The following CNTN1 variants were observed in gnomAD, a reference collection of about 807,000 sequenced individuals.
CNTN1 encodes the protein contactin-1.
In CNTN1, 38 loss-of-function variants were observed where a neutral mutation model predicts 126.4. That is an observed-to-expected ratio of 0.30 (90% CI 0.23 to 0.39). The LOEUF (loss-of-function observed/expected upper bound fraction) is 0.39, where lower values mean the gene tolerates loss of function less well. Among genes scored for constraint, CNTN1 ranks in the 10% least tolerant of loss-of-function variants. CNTN1 has a pLI of 1.00. For synonymous variants in CNTN1, 413 were observed against 422.6 expected (o/e 0.98, Z 0.28); for missense variants, 1,009 against 1,248.4 (o/e 0.81, Z 2.89).
chr12:40,739,241 A>T (rs1413318367), intron 1 of CNTN1, among the ~76,000 whole-genome samples: 1 of 152,066 alleles, frequency 6.6e-6, no homozygotes, highest in South Asian at 2.1e-4. Context: ...ACTGCATTTC[A>T]AATGAGTAAA....
At chr12:40,773,626 A>G (rs1219531418) in intron 1 of CNTN1, among the ~76,000 whole-genome samples, 1 of 120,998 alleles carries the variant, frequency 8.3e-6, no homozygotes, top group African/African-American at 3.1e-5. Flanking sequence ...ACCTCTGACC[A>G]GAAACTGTAT....
At chr12:41,051,859 G>A (rs146797426) in intron 23 of CNTN1, among the ~76,000 whole-genome samples, 34 of 149,158 alleles carry the variant, frequency 2.3e-4, no homozygotes, top group African/African-American at 8.2e-4. Flanking sequence ...TCTAAACTCT[G>A]GAACAGTTCA....
chr12:40,966,564 T>C (rs1947316085), intron 15 of CNTN1, among the ~76,000 whole-genome samples: 1 of 152,136 alleles, frequency 6.6e-6, no homozygotes, highest in African/African-American at 2.4e-5. Context: ...AAATTTAAAG[T>C]CAGAACTTAG....
At chr12:40,832,508 G>A (rs375657859) in intron 1 of CNTN1, among the ~76,000 whole-genome samples, 9 of 152,270 alleles carry the variant, frequency 5.9e-5, no homozygotes, top group African/African-American at 1.9e-4. Context: ...TATAGCCTAC[G>A]TATGAAGTAG....
chr12:41,062,613 T>G (rs1949958431), intron 23 of CNTN1, among the ~76,000 whole-genome samples: 1 of 152,204 alleles, frequency 6.6e-6, no homozygotes, highest in Non-Finnish European at 1.5e-5. Context: ...TTTCAGACAT[T>G]TCATAAAATC....
chr12:41,055,090 A>G (rs1408094817), intron 23 of CNTN1, among the ~76,000 whole-genome samples: 1 of 152,190 alleles, frequency 6.6e-6, no homozygotes, highest in African/African-American at 2.4e-5. Flanking sequence ...TTTGCCTTCT[A>G]TAAAATTAAT....
intron 1 of CNTN1, among the ~76,000 whole-genome samples, chr12:40,761,701 T>C (rs1026030920): frequency 6.6e-6 from 1 of 152,136 alleles, no homozygotes; most frequent in Non-Finnish European, 1.5e-5. Context: ...TAGAGGGTTT[T>C]TTGTTTGCCT....
Position 40,993,220 on chromosome 12 carries a change from T to C in CNTN1, c.2064T>C (p.Gly688=). 6.2e-7 allele frequency: 1 copy of C among 1,613,666 alleles called. No individual in the cohort carries two copies. ...GCGTGGTAGCAACCAATACACTGGGTAGAGGAGAGCCCAGTATACCATCTA... is the reference window on the plus strand; with the variant it reads ...GCGTGGTAGCAACCAATACACTGGGCAGAGGAGAGCCCAGTATACCATCTA... ...EFRVVATNTL[G]RGEPSIPSNR... is the part of the protein sequence containing the mutation. Residue 688 remains glycine (G), a synonymous_variant, in exon 17 of 24, where the codon GGT becomes GGC. Coordinates refer to ENST00000551295, the MANE Select transcript of CNTN1 (RefSeq NM_001843.4).
intron 15 of CNTN1, chr12:40,972,505 G>A (rs1947549085): frequency 2.1e-6 from 2 of 933,024 alleles, no homozygotes; most frequent in African/African-American, 3.6e-5. Context: ...GAAGAACTCT[G>A]AAGAAAGCTT....
At chr12:40,753,472 G>A (rs1260357620) in intron 1 of CNTN1, among the ~76,000 whole-genome samples, 1 of 152,010 alleles carries the variant, frequency 6.6e-6, no homozygotes, top group Admixed American at 6.6e-5. Context: ...CACGTGGCTG[G>A]GGAGGCCTCA....
intron 1 of CNTN1, among the ~76,000 whole-genome samples, chr12:40,770,210 C>T (rs1939283879): frequency 6.6e-6 from 1 of 152,050 alleles, no homozygotes; most frequent in African/African-American, 2.4e-5. Context: ...GAGGGGGTTC[C>T]TTGGAGAATA....
chr12:40,791,263 G>A (rs190374105), intron 1 of CNTN1, among the ~76,000 whole-genome samples: 25 of 152,150 alleles, frequency 1.6e-4, no homozygotes, highest in African/African-American at 6.0e-4. Flanking sequence ...CTTAACCCAT[G>A]TCATTGTCTT....
At chr12:40,919,401 T>C (rs1945357207) in intron 4 of CNTN1, among the ~76,000 whole-genome samples, 3 of 152,164 alleles carry the variant, frequency 2.0e-5, no homozygotes, top group Admixed American at 2.0e-4. Context: ...GTCATAAAAG[T>C]ATACTAACAG....
intron 23 of CNTN1, among the ~76,000 whole-genome samples, chr12:41,053,744 A>G (rs1319895155): frequency 6.6e-6 from 1 of 151,444 alleles, no homozygotes; most frequent in African/African-American, 2.4e-5. Flanking sequence ...GCTAGCTCAT[A>G]TTTATTATTA....
intron 1 of CNTN1, among the ~76,000 whole-genome samples, chr12:40,803,512 C>T (rs573387553): frequency 6.6e-6 from 1 of 152,000 alleles, no homozygotes; most frequent in Non-Finnish European, 1.5e-5. Context: ...GTGTCTCAAA[C>T]TAGATCTTGC....
intron 1 of CNTN1, among the ~76,000 whole-genome samples, chr12:40,819,460 G>A (rs187568135): frequency 6.6e-6 from 1 of 152,306 alleles, no homozygotes; most frequent in East Asian, 1.9e-4. Flanking sequence ...AGGCACTCTG[G>A]CCGTATTCCA....
At chr12:40,880,331 T>A (rs779546693) in intron 1 of CNTN1, among the ~76,000 whole-genome samples, 6 of 151,992 alleles carry the variant, frequency 3.9e-5, no homozygotes, top group Non-Finnish European at 7.4e-5. Flanking sequence ...TTAGTAAGTT[T>A]TTATGTACGT....
chr12:40,758,441 G>A (rs1368704861), intron 1 of CNTN1, among the ~76,000 whole-genome samples: 2 of 151,874 alleles, frequency 1.3e-5, no homozygotes, highest in African/African-American at 2.4e-5. Context: ...AAAAATTACT[G>A]AGACAATAAT....
At chr12:40,886,969 A>G (rs1221885218) in intron 1 of CNTN1, among the ~76,000 whole-genome samples, 5 of 152,156 alleles carry the variant, frequency 3.3e-5, no homozygotes, top group African/African-American at 9.6e-5. Flanking sequence ...TGGTTACTGT[A>G]GCCTTGTAGT....
Sources: allele counts gnomAD v4.1 joint callset (sites outside exome capture counted in the v4.1 genomes callset), GRCh38; gene constraint gnomAD v4.1.1; transcripts MANE v1.5; gene names NCBI Gene and HGNC (gene_info 2026-07-23, HGNC 2026-07-21).